The following GFRA2 variants were observed in gnomAD, a reference collection of about 807,000 sequenced individuals.
The protein encoded by GFRA2 is GDNF family receptor alpha 2, also known as GDNF family receptor alpha-2.
Under a neutral mutation model 48.3 loss-of-function variants are expected in GFRA2, and 17 were observed. The observed-to-expected ratio is 0.35, with a 90% confidence interval of 0.24 to 0.53. The LOEUF (loss-of-function observed/expected upper bound fraction) is 0.53, where lower values mean the gene tolerates loss of function less well. Ranked by LOEUF, GFRA2 falls within the 20% of genes least tolerant of loss-of-function variation. The probability of loss-of-function intolerance (pLI) is 0.93; values close to 1 mark genes in which losing one functional copy is unlikely to be tolerated. For synonymous variants in GFRA2, 305 were observed against 257.2 expected, an observed-to-expected ratio of 1.19 and a Z score of -1.78; for missense variants, 660 against 637.3, an observed-to-expected ratio of 1.04 and a Z score of -0.38.
chr8:21,805,766 A>G (rs2117119136), intron 1 of GFRA2, among the ~76,000 whole-genome samples: 1 of 152,302 alleles, frequency 6.6e-6, no homozygotes, highest in South Asian at 2.1e-4. Context: ...CTCCCCAGTC[A>G]GTGGCTGGAC....
chr8:21,696,609 G>C (rs1466782950), intron 7 of GFRA2, among the ~76,000 whole-genome samples: 2 of 152,224 alleles, frequency 1.3e-5, no homozygotes, highest in African/African-American at 4.8e-5. Flanking sequence ...CACACACCAA[G>C]TGCATTTTCC....
intron 4 of GFRA2, among the ~76,000 whole-genome samples, chr8:21,714,376 G>A (rs962084577): frequency 6.8e-6 from 1 of 147,698 alleles, no homozygotes; most frequent in African/African-American, 2.5e-5. Context: ...AGCCACCGGA[G>A]CAGCTGGAAT....
upstream of GFRA2, among the ~76,000 whole-genome samples, chr8:21,789,057 G>T (rs1807431216): frequency 2.0e-5 from 3 of 151,108 alleles, no homozygotes; most frequent in South Asian, 6.2e-4. Context: ...GCGGGAGCGC[G>T]GCGGAGCTAC....
chr8:21,809,696 TC>T (rs1371277349), intron 1 of GFRA2, among the ~76,000 whole-genome samples: 1 of 152,204 alleles, frequency 6.6e-6, no homozygotes, highest in East Asian at 1.9e-4. Context: ...CCCTGCATCA[TC>T]GCACTGTGTT....
At chr8:21,747,316 G>C (rs952782232) in intron 4 of GFRA2, among the ~76,000 whole-genome samples, 1 of 152,158 alleles carries the variant, frequency 6.6e-6, no homozygotes, top group Non-Finnish European at 1.5e-5. Flanking sequence ...CATCCAGGAA[G>C]CTCGGAGCTC....
At chr8:21,710,112 G>A (rs1460267323) in intron 4 of GFRA2, among the ~76,000 whole-genome samples, 4 of 152,164 alleles carry the variant, frequency 2.6e-5, no homozygotes, top group Non-Finnish European at 5.9e-5. Context: ...GGTATCTGTC[G>A]CATGGCCACG....
chr8:21,705,198 C>G, intron 5 of GFRA2, 73 bp from the exon 6 acceptor site: 1 of 1,493,228 alleles, frequency 6.7e-7, no homozygotes, highest in Non-Finnish European at 9.0e-7. Flanking sequence ...CAGACCAACC[C>G]CAGGCACAGC....
At chr8:21,710,970 C>T (rs1802993075) in intron 4 of GFRA2, among the ~76,000 whole-genome samples, 1 of 152,204 alleles carries the variant, frequency 6.6e-6, no homozygotes, top group South Asian at 2.1e-4. Context: ...GTGATCAAGT[C>T]CACAGCAGTG....
intron 2 of GFRA2, among the ~76,000 whole-genome samples, chr8:21,802,647 G>A (rs530851963): frequency 2.6e-5 from 4 of 152,108 alleles, no homozygotes; most frequent in East Asian, 1.9e-4. Context: ...GAGCCCCCAC[G>A]CCTGGCCTTC....
intron 4 of GFRA2, among the ~76,000 whole-genome samples, chr8:21,719,327 C>T (rs936288827): frequency 5.3e-5 from 8 of 152,058 alleles, no homozygotes; most frequent in African/African-American, 1.9e-4. Context: ...TCCTTGAGAC[C>T]GCCATTGGAT....
intron 1 of GFRA2, among the ~76,000 whole-genome samples, chr8:21,807,938 A>G (rs1482041686): frequency 1.3e-5 from 2 of 152,222 alleles, no homozygotes; most frequent in Non-Finnish European, 2.9e-5. Context: ...GCAGATGCAG[A>G]TTGGATTAGG....
chr8:21,789,456 G>A (rs1437819212), upstream of GFRA2, among the ~76,000 whole-genome samples: 2 of 152,080 alleles, frequency 1.3e-5, no homozygotes, highest in Admixed American at 6.5e-5. Context: ...GGGCTCGGGG[G>A]GCAGGGCGTT....
chr8:21,783,717 C>T (rs1245178313), intron 1 of GFRA2, among the ~76,000 whole-genome samples: 1 of 151,918 alleles, frequency 6.6e-6, no homozygotes, highest in Non-Finnish European at 1.5e-5. Flanking sequence ...TCCGCCCCGG[C>T]CCCCTCCAAT....
chr8:21,702,714 G>A lies in GFRA2; in HGVS notation c.1218+91C>T, dbSNP rs540689089. 9.1e-6 allele frequency: 12 copies of A among 1,318,880 alleles called. No homozygotes were observed. The East Asian group carries it at 2.5e-4, about 27-fold the overall frequency. 81.7% of individuals were successfully genotyped at this position (1,318,880 alleles called of 1,614,324 possible). ...CTCTTGGGTCCCTGATCCAAAGGGA[G>A]GACCCTCCCTCCCTGGCCTCAGCTG... is the stretch of plus-strand genomic sequence containing the variant. On this transcript the variant is annotated intron_variant, in intron 7 of 8. Coordinates refer to ENST00000524240, the MANE Select transcript of GFRA2 (RefSeq NM_001495.5).
chr8:21,776,214 T>C (rs1806699166), intron 2 of GFRA2, among the ~76,000 whole-genome samples: 1 of 151,922 alleles, frequency 6.6e-6, no homozygotes. Flanking sequence ...CTGCATGTGG[T>C]CACCCAGAGG....
chr8:21,699,134 C>T (rs938899147), intron 7 of GFRA2, among the ~76,000 whole-genome samples: 1 of 152,200 alleles, frequency 6.6e-6, no homozygotes, highest in Non-Finnish European at 1.5e-5. Flanking sequence ...TTGTTAGCCT[C>T]GGTGCCTGGG....
intron 7 of GFRA2, among the ~76,000 whole-genome samples, chr8:21,700,257 A>ACATGGGCCAGG (rs111558863): frequency 6.6e-6 from 1 of 151,798 alleles, no homozygotes; most frequent in East Asian, 1.9e-4. Flanking sequence ...TATTTAATAT[A>ACATGGGCCAGG]CCAGAAGGCC....
At chr8:21,706,277 C>T in intron 4 of GFRA2, 1 of 642,470 alleles carries the variant, frequency 1.6e-6, no homozygotes, top group Non-Finnish European at 2.9e-6. Context: ...TAAGAAAAAC[C>T]CAGTCATTGG....
In GFRA2 at chr8:21,788,319, T is replaced by C. The variant is rs2117094623; in HGVS notation, c.-160A>G. ...CCGATGAAGATCCCGAGTCCTGCGA[T>C]TCTCGCCTCTGGCTGGAGGGGGTGG... On this transcript the variant is annotated 5_prime_UTR_variant, in exon 1 of 9. Coordinates refer to ENST00000524240, the MANE Select transcript of GFRA2 (RefSeq NM_001495.5). The C allele has an allele frequency of 7.2e-7, 1 of 1,389,614 alleles. No homozygotes were observed. The highest frequency in any genetic ancestry group is 3.0e-5 in the East Asian group (1 of 33,444). The allele number at this position is 1,389,614 out of a possible 1,614,324, so 86.1% of individuals were successfully genotyped here. A position where few individuals can be genotyped will look rare whatever the true frequency, so the allele number is the denominator to read the frequency against.
Sources: allele counts gnomAD v4.1 joint callset (sites outside exome capture counted in the v4.1 genomes callset), GRCh38; gene constraint gnomAD v4.1.1; transcripts MANE v1.5; gene names NCBI Gene and HGNC (gene_info 2026-07-23, HGNC 2026-07-21).